ADAMTSL5: variants seen among roughly 807,000 people sequenced by gnomAD.
ADAMTSL5 encodes ADAMTS-like protein 5.
Under a neutral mutation model 51.7 loss-of-function variants are expected in ADAMTSL5, and 53 were observed. That is an observed-to-expected ratio of 1.03 (90% CI 0.82 to 1.29). ADAMTSL5 has a LOEUF of 1.29. ADAMTSL5 is among the 50% of genes most tolerant of loss of function. The pLI, the probability that ADAMTSL5 is intolerant of heterozygous loss-of-function variation, is 0.00. For synonymous variants in ADAMTSL5, 285 were observed against 278.7 expected (o/e 1.02, Z -0.23); for missense variants, 770 against 676.2 (o/e 1.14, Z -1.54).
intron 1 of ADAMTSL5, among the ~76,000 whole-genome samples, chr19:1,512,532 T>C (rs1913314810): frequency 6.6e-6 from 1 of 152,156 alleles, no homozygotes; most frequent in Middle Eastern, 3.4e-3. Context: ...ACACAAAAAT[T>C]AGCCCGGTGT....
rs1479546958 is a variant in ADAMTSL5, at chr19:1,506,838, G to A, written c.943C>T (p.Leu315=). The A allele has an allele frequency of 1.9e-6, 3 of 1,541,518 alleles. No homozygotes were observed. The highest frequency in any genetic ancestry group is 2.6e-6 in the Non-Finnish European group (3 of 1,144,386). Residue 315 remains leucine, a synonymous_variant, in exon 10 of 12, where the codon CTG becomes TTG. Transcript: ENST00000330475. The surrounding 1 kb of genome is among the most constrained non-coding windows in gnomAD (Gnocchi z 5.6). ...TGAGGCTGCCTCAGGGGCCAGCCCA[G>A]GGCCTGCACACGAGCCTGGAAGGGG... ...YSPFQARVQA[L]GWPLRQPQPR...
Position 1,508,431 on chromosome 19 carries a change from A to G in ADAMTSL5, c.489+12T>C, listed in dbSNP as rs751842479. On this transcript the variant is annotated intron_variant, in intron 6 of 11. Transcript: ENST00000330475. The stretch of plus-strand genomic sequence containing the variant: ...GTGGGCGGGGCTCGGGCGGGGCCTG[A>G]CGAGTCCTTACAAGGCAGCGGCCAG... The G allele has an allele frequency of 3.3e-5, 50 of 1,533,522 alleles. 1 individual carries two copies. In the South Asian group the frequency reaches 5.6e-4, roughly 17 times the overall value. 95.0% of individuals were successfully genotyped at this position (1,533,522 alleles called of 1,614,324 possible).
chr19:1,506,932 G>C lies in ADAMTSL5; in HGVS notation c.853-4C>G, dbSNP rs2042637545. ...GGTTGGGCTCCTGCAGGAGGACCTG[G>C]AGCAGGGGAGGGGACACAGGGAGCT... is the stretch of plus-strand genomic sequence containing the variant. On this transcript the variant is annotated splice_region_variant and splice_polypyrimidine_tract_variant and intron_variant, in intron 9 of 11. Transcript: ENST00000330475. The surrounding 1 kb of genome is among the most constrained non-coding windows in gnomAD (Gnocchi z 5.6). The C allele has an allele frequency of 1.9e-6, 3 of 1,545,760 alleles. No homozygotes were observed.
Position 1,507,613 on chromosome 19 carries a change from A to G in ADAMTSL5, c.632T>C (p.Leu211Pro), listed in dbSNP as rs780047607. ...GATGTGTCTGGCGCCCTCGGGGATC[A>G]GGGTCACGTTCCAGTACCCAGCGAA... ...GAFAGYWNVT[L>P]IPEGARHIRV... is the part of the protein sequence containing the mutation. Residue 211 changes from leucine (L) to proline (P), a missense_variant, in exon 8 of 12, where the codon CTG becomes CCG. Leu to Pro is a moderately conservative substitution (Grantham distance 98). Coordinates refer to ENST00000330475, the MANE Select transcript of ADAMTSL5 (RefSeq NM_213604.3). 1.2e-6 allele frequency: 2 copies of G among 1,613,534 alleles called. No individual in the cohort carries two copies. Among genetic ancestry groups the G allele is most frequent in the East Asian group, 2.2e-5 (1 of 44,876 alleles).
chr19:1,509,400 C>T (rs1054526187), intron 5 of ADAMTSL5, among the ~76,000 whole-genome samples: 26 of 152,246 alleles, frequency 1.7e-4, no homozygotes, highest in African/African-American at 5.8e-4. Flanking sequence ...GCCTCAGTTT[C>T]CCCTTCTGCC....
chr19:1,510,264 G>T lies in ADAMTSL5; in HGVS notation c.253-6C>A. On this transcript the variant is annotated splice_region_variant and splice_polypyrimidine_tract_variant and intron_variant, in intron 4 of 11. Transcript: ENST00000330475. ...ACAGCCCCTGGGGGGCAGTCCTAGG[G>T]ACAGAGATAGGTGAGCCAGAGGCTG... is the stretch of plus-strand genomic sequence containing the variant. 4 of 1,613,250 alleles carry T rather than the reference G, an allele frequency of 2.5e-6. No homozygotes were observed. The South Asian group carries it at 3.3e-5, about 13-fold the overall frequency.
At position 1,507,411 on chromosome 19, in the gene ADAMTSL5, A is replaced by C. The variant is rs776938501; in HGVS notation, c.689-6T>G. The C allele has an allele frequency of 4.4e-6, 7 of 1,581,062 alleles. No homozygotes were observed. The South Asian group carries it at 8.2e-5, about 18-fold the overall frequency. ...CCCATCGCCCCCCATCAGTGCTGCA[A>C]GGGAACAGTCAGCCCTCAGGAACCT... On this transcript the variant is annotated splice_polypyrimidine_tract_variant and splice_region_variant and intron_variant, in intron 8 of 11. Transcript: ENST00000330475.
chr19:1,510,820 C>G, intron 2 of ADAMTSL5, 25 bp downstream of exon 2: 1 of 1,518,444 alleles, frequency 6.6e-7, no homozygotes, highest in Admixed American at 2.1e-5. Context: ...CACTCGCCAC[C>G]CCCTGGGCTC....
chr19:1,511,843 G>A (rs1386660583), intron 1 of ADAMTSL5: 5 of 324,504 alleles, frequency 1.5e-5, no homozygotes, highest in Non-Finnish European at 3.1e-5. Flanking sequence ...GAGTCCCCCG[G>A]ATTGGGGATG....
At position 1,505,907 on chromosome 19, in the gene ADAMTSL5, C is replaced by CGTATTTCA. The variant is rs1912891600; in HGVS notation, c.*100_*107dup. 7.5e-7 allele frequency: 1 copy of CGTATTTCA among 1,338,920 alleles called. No homozygotes were observed. Among genetic ancestry groups the CGTATTTCA allele is most frequent in the Non-Finnish European group, 9.9e-7 (1 of 1,013,576 alleles). The allele number at this position is 1,338,920 out of a possible 1,614,324, so 82.9% of individuals were successfully genotyped here. A position where few individuals can be genotyped will look rare whatever the true frequency, so the allele number is the denominator to read the frequency against. ...GAGTCACATAGCTGCACAGGTGGGA[C>CGTATTTCA]GTATTTCAGAGCTGCCTGGAAGCCA... On this transcript the variant is annotated 3_prime_UTR_variant, in exon 12 of 12. Transcript: ENST00000330475.
chr19:1,509,776 C>T lies in ADAMTSL5; in HGVS notation c.361+374G>A, dbSNP rs548819862. Among the ~76,000 whole-genome samples the T allele has an allele frequency of 1.0e-3, 156 of 152,278 alleles. 1 individual carries two copies. The highest frequency in any genetic ancestry group is 2.7e-3 in the African/African-American group (114 of 41,558). The stretch of plus-strand genomic sequence containing the variant: ...ATATCTGTGTCTGCCTTCCCCATGG[C>T]GTGTGAAGCTGCCTGTCTCCCTGAA... On this transcript the variant is annotated intron_variant, in intron 5 of 11. Coordinates refer to ENST00000330475, the MANE Select transcript of ADAMTSL5 (RefSeq NM_213604.3).
intron 1 of ADAMTSL5, among the ~76,000 whole-genome samples, 195 bp downstream of exon 1, chr19:1,512,768 G>A (rs1181383807): frequency 6.6e-6 from 1 of 152,146 alleles, no homozygotes; most frequent in Non-Finnish European, 1.5e-5. Flanking sequence ...TTTGAGGAGT[G>A]GGGGTCTAGG....
chr19:1,507,915 A>AGTGT, intron 7 of ADAMTSL5, 83 bp downstream of exon 7: 1 of 1,433,830 alleles, frequency 7.0e-7, no homozygotes, highest in Admixed American at 2.0e-5. Flanking sequence ...CTGGCCAATC[A>AGTGT]GCACGGAAAT....
At position 1,508,359 on chromosome 19, in the gene ADAMTSL5, G is replaced by A; in HGVS notation, c.489+84C>T. ...CTAGGGAGGGGGTGGAGGCTAATGG[G>A]AGGAGGGCGGAGGTGGAGCCTAGGA... On this transcript the variant is annotated intron_variant, in intron 6 of 11. Transcript: ENST00000330475. 1.4e-6 allele frequency: 2 copies of A among 1,422,276 alleles called. 1 individual carries two copies. Among genetic ancestry groups the A allele is most frequent in the South Asian group, 2.8e-5 (2 of 70,236 alleles). The allele number at this position is 1,422,276 out of a possible 1,614,324, so 88.1% of individuals were successfully genotyped here.
rs780787541 is a variant in ADAMTSL5 at position 1,507,329 on chromosome 19, G to A, written c.765C>T (p.Ala255=). 34 of 1,594,636 alleles carry A rather than the reference G, an allele frequency of 2.1e-5. No individual in the cohort carries two copies. The highest frequency in any genetic ancestry group is 2.8e-5 in the Non-Finnish European group (33 of 1,169,830). The change falls in exon 9 of 12, where the codon GCC becomes GCT. Residue 255 remains alanine, a synonymous_variant. Coordinates refer to ENST00000330475, the MANE Select transcript of ADAMTSL5 (RefSeq NM_213604.3). ...CTCGGGTGTAGACCACATGCGTGCC[G>A]GCCGCCTCGTAGGTCCCTGGTGGGC... ...VVSPPGTYEA[A]GTHVVYTRDT...
Position 1,506,166 on chromosome 19 carries a change from G to A in ADAMTSL5, c.1265C>T (p.Pro422Leu). 1 of 1,609,266 alleles carries A rather than the reference G, an allele frequency of 6.2e-7. No homozygotes were observed. Among genetic ancestry groups the A allele is most frequent in the Non-Finnish European group, 8.5e-7 (1 of 1,177,676 alleles). ...PGHCPCPMLAPHRDYLMAVQR... is the reference protein window; with the variant it reads ...PGHCPCPMLALHRDYLMAVQR... ...GACAGCCATCAGGTAGTCCCGGTGGGGTGCCAGCATCGGGCAGGGGCAGTG... is the reference window on the plus strand; with the variant it reads ...GACAGCCATCAGGTAGTCCCGGTGGAGTGCCAGCATCGGGCAGGGGCAGTG... Residue 422 changes from proline to leucine, a missense_variant, in exon 12 of 12, where the codon CCC (proline) becomes CTC (leucine). By Grantham distance (98) the Pro-to-Leu change is moderately conservative. Coordinates refer to ENST00000330475, the MANE Select transcript of ADAMTSL5 (RefSeq NM_213604.3). The surrounding 1 kb of genome is among the most constrained non-coding windows in gnomAD (Gnocchi z 5.6).
chr19:1,509,254 CAAAA>C (rs753778097), intron 5 of ADAMTSL5, among the ~76,000 whole-genome samples: 7 of 49,550 alleles, frequency 1.4e-4, no homozygotes, highest in African/African-American at 6.9e-4. Flanking sequence ...GACTCCATCT[CAAAA>C]AAAAAAAAAA....
rs753964042 is a variant in ADAMTSL5, at chr19:1,506,076, CGGGCGTAGCCGGCGTG to C, written c.1339_1354del (p.His447GlyfsTer13). ...GCTGTCCTCCGCAGGGCTCCAGGGC[CGGGCGTAGCCGGCGTG>C]GGGCAGCAGCAGCTGGTCCTGTGTG... On this transcript the variant is annotated frameshift_variant, in exon 12 of 12. Transcript: ENST00000330475. LOFTEE classifies it high-confidence loss of function. The surrounding 1 kb of genome is among the most constrained non-coding windows in gnomAD (Gnocchi z 5.6). The C allele has an allele frequency of 2.3e-5, 36 of 1,597,328 alleles. No homozygotes were observed. Among genetic ancestry groups the C allele is most frequent in the Admixed American group, 1.2e-4 (7 of 58,496 alleles).
In ADAMTSL5 at chr19:1,505,915, A is replaced by T; in HGVS notation, c.*100T>A. On this transcript the variant is annotated 3_prime_UTR_variant, in exon 12 of 12. Coordinates refer to ENST00000330475, the MANE Select transcript of ADAMTSL5 (RefSeq NM_213604.3). Reference sequence around the variant, plus strand: ...TAGCTGCACAGGTGGGACGTATTTCAGAGCTGCCTGGAAGCCAGGGTGAGA... The same window carrying T: ...TAGCTGCACAGGTGGGACGTATTTCTGAGCTGCCTGGAAGCCAGGGTGAGA... 7.2e-7 allele frequency: 1 copy of T among 1,386,268 alleles called. No homozygotes were observed. 85.9% of individuals were successfully genotyped at this position (1,386,268 alleles called of 1,614,324 possible).
Sources: allele counts gnomAD v4.1 joint callset (sites outside exome capture counted in the v4.1 genomes callset), GRCh38; gene constraint gnomAD v4.1.1; non-coding constraint Gnocchi (gnomAD v3.1); transcripts MANE v1.5; gene names NCBI Gene and HGNC (gene_info 2026-07-23, HGNC 2026-07-21).